SLC5A4: variants seen among roughly 807,000 people sequenced by gnomAD.
SLC5A4 encodes the protein probable glucose sensor protein SLC5A4.
Under a neutral mutation model 70.3 loss-of-function variants are expected in SLC5A4, and 55 were observed. That is an observed-to-expected ratio of 0.78 (90% confidence interval 0.63 to 0.98). The LOEUF (loss-of-function observed/expected upper bound fraction) is 0.98, where lower values mean the gene tolerates loss of function less well. Ranked by LOEUF, SLC5A4 falls within the 50% of genes least tolerant of loss-of-function variation. The pLI, the probability that SLC5A4 is intolerant of heterozygous loss-of-function variation, is 0.00. For missense variants in SLC5A4, 735 were observed against 839.2 expected, an observed-to-expected ratio of 0.88 and a Z score of 1.53; for synonymous variants, 268 against 305.7, an observed-to-expected ratio of 0.88 and a Z score of 1.29.
upstream of SLC5A4, chr22:32,255,370 C>A: frequency 6.2e-7 from 1 of 1,603,498 alleles, no homozygotes; most frequent in South Asian, 1.1e-5. Context: ...CATGAGCCAT[C>A]TTTATATAAG....
the SLC5A4 span, among the ~76,000 whole-genome samples, chr22:32,277,593 G>C: frequency 2.0e-5 from 3 of 152,094 alleles, no homozygotes; most frequent in South Asian, 4.2e-4. Context: ...TGTTGCCCAG[G>C]CTGCAGTGCA....
rs559738164 is a variant in SLC5A4, at chr22:32,228,466, C to T, written c.1280+728G>A. On this transcript the variant is annotated intron_variant, in intron 11 of 14. Transcript: ENST00000266086. ...CTGAGGCAGGAGAATCGCTTGAACC[C>T]GGGAGGCGGCGGTTCCAGTGAACTG... is the stretch of plus-strand genomic sequence containing the variant. 9.9e-5 allele frequency among the ~76,000 whole-genome samples: 15 copies of T among 151,754 alleles called. No individual in the cohort carries two copies. In the East Asian group the frequency reaches 2.5e-3, roughly 25 times the overall value.
the SLC5A4 span, among the ~76,000 whole-genome samples, chr22:32,333,196 A>AC: frequency 0.17 from 22,625 of 136,646 alleles, 2,625 homozygotes; most frequent in African/African-American, 0.33. Context: ...TAGCACTGGC[A>AC]CCCCCCCCCC....
chr22:32,345,803 C>T, the SLC5A4 span, among the ~76,000 whole-genome samples: 2,856 of 152,226 alleles, frequency 0.019, 76 homozygotes, highest in African/African-American at 0.058. Flanking sequence ...TAAAGATTTA[C>T]AAGTAAGTTT....
the SLC5A4 span, among the ~76,000 whole-genome samples, chr22:32,334,685 C>G: frequency 1.3e-5 from 2 of 152,344 alleles, no homozygotes; most frequent in African/African-American, 4.8e-5. Flanking sequence ...CTCCCTCCCT[C>G]TTGGATGCTG....
chr22:32,285,036 A>G, the SLC5A4 span: 1 of 152,242 alleles, frequency 6.6e-6, no homozygotes, highest in Admixed American at 6.5e-5. Context: ...TCAGTTGAAT[A>G]TATACATTTT....
At chr22:32,277,164 A>G in the SLC5A4 span, 1 of 152,162 alleles carries the variant, frequency 6.6e-6, no homozygotes, top group Non-Finnish European at 1.5e-5. Flanking sequence ...TTTTTAATCA[A>G]CTACACATCC....
the SLC5A4 span, among the ~76,000 whole-genome samples, chr22:32,325,683 C>T: frequency 2.0e-5 from 3 of 152,268 alleles, no homozygotes; most frequent in Non-Finnish European, 2.9e-5. Flanking sequence ...TCCTCTGCGC[C>T]GGGCACTGTG....
chr22:32,348,591 G>A, the SLC5A4 span, among the ~76,000 whole-genome samples: 5 of 152,256 alleles, frequency 3.3e-5, no homozygotes, highest in South Asian at 1.0e-3. Context: ...TTATTTTTAC[G>A]TTAGTACATC....
the SLC5A4 span, among the ~76,000 whole-genome samples, chr22:32,302,718 TTATAGCTA>T: frequency 1.6e-4 from 24 of 152,362 alleles, no homozygotes; most frequent in African/African-American, 5.5e-4. Context: ...GACTTGATTG[TTATAGCTA>T]TATAAGCAGT....
At chr22:32,331,138 GTGTGTTGGAGGCTCTGGTGTGT>G in the SLC5A4 span, among the ~76,000 whole-genome samples, 1 of 104,006 alleles carries the variant, frequency 9.6e-6, no homozygotes, top group Non-Finnish European at 2.3e-5. Context: ...TGGTGTGTCT[GTGTGTTGGAGGCTCTGGTGTGT>G]GTGTTGGGGG....
At chr22:32,294,596 TATTAA>T in the SLC5A4 span, among the ~76,000 whole-genome samples, 2 of 67,856 alleles carry the variant, frequency 2.9e-5, no homozygotes, top group African/African-American at 1.1e-4. Context: ...CAATCATTAA[TATTAA>T]TATGGTACCC....
chr22:32,246,121 T>C (rs1016899491), intron 5 of SLC5A4, among the ~76,000 whole-genome samples: 3 of 152,266 alleles, frequency 2.0e-5, no homozygotes, highest in Non-Finnish European at 4.4e-5. Context: ...TTTACATGTA[T>C]TGTCATATGG....
At chr22:32,303,560 C>A in the SLC5A4 span, among the ~76,000 whole-genome samples, 95,237 of 151,914 alleles carry the variant, frequency 0.63, 29,965 homozygotes, top group East Asian at 0.7. Flanking sequence ...CCTTGTGGGA[C>A]AATCACAATT....
chr22:32,352,135 G>A, the SLC5A4 span, among the ~76,000 whole-genome samples: 474 of 152,036 alleles, frequency 3.1e-3, 2 homozygotes, highest in Non-Finnish European at 4.3e-3. Flanking sequence ...GATGAAGCTG[G>A]AAACCATCAT....
intron 13 of SLC5A4, 120 bp downstream of exon 13, chr22:32,224,147 C>T (rs1012059904): frequency 5.6e-6 from 4 of 712,792 alleles, no homozygotes; most frequent in Non-Finnish European, 9.8e-6. Flanking sequence ...GTCTCCATCT[C>T]CTGACCTCGT....
intron 7 of SLC5A4, among the ~76,000 whole-genome samples, chr22:32,236,854 G>A (rs957148508): frequency 9.2e-5 from 14 of 151,992 alleles, no homozygotes; most frequent in African/African-American, 3.1e-4. Flanking sequence ...ACAAGCGCGC[G>A]CCACCACGCC....
At chr22:32,299,946 T>C in the SLC5A4 span, among the ~76,000 whole-genome samples, 2 of 124,824 alleles carry the variant, frequency 1.6e-5, no homozygotes, top group South Asian at 5.3e-4. Context: ...TGCTGGGGGG[T>C]GCCTTCCAGT....
At chr22:32,274,188 C>T in the SLC5A4 span, among the ~76,000 whole-genome samples, 1 of 151,990 alleles carries the variant, frequency 6.6e-6, no homozygotes. Context: ...TACAGGTGCC[C>T]GCCAACAAGC....
Sources: gnomAD v4.1 joint callset for allele counts (sites outside exome capture counted in the v4.1 genomes callset) on GRCh38, gnomAD v4.1.1 for gene constraint, MANE v1.5 for transcripts, NCBI Gene and HGNC (gene_info 2026-07-23, HGNC 2026-07-21) for gene names.